NRIP2: variants seen among roughly 807,000 people sequenced by gnomAD.
The protein encoded by NRIP2 is nuclear receptor-interacting protein 2.
Under a neutral mutation model 34.1 loss-of-function variants are expected in NRIP2, and 27 were observed. The ratio of observed to expected loss-of-function variants is 0.79; its 90% CI spans 0.58 to 1.09. The LOEUF (loss-of-function observed/expected upper bound fraction) is 1.09. NRIP2 is among the 50% of genes least tolerant of loss of function. The pLI, the probability that NRIP2 is intolerant of heterozygous loss-of-function variation, is 0.00. For synonymous variants in NRIP2, 145 were observed against 146.9 expected (o/e 0.99, Z 0.09); for missense variants, 385 against 352.6 (o/e 1.09, Z -0.74).
At position 2,825,389 on chromosome 12, in the gene NRIP2, C is replaced by A. The variant is rs750919274; in HGVS notation, c.*1818G>T. The A allele has an allele frequency of 6.6e-6, 1 of 152,312 alleles. No individual in the cohort carries two copies. The highest frequency in any genetic ancestry group is 1.5e-5 in the Non-Finnish European group (1 of 68,132). 9.4% of individuals were successfully genotyped at this position (152,312 alleles called of 1,614,324 possible). ...TATTCCAATGGAGAAGCAGCTGAGC[C>A]GAGGGCTTGCCATTGGGCCTGGGGT... On this transcript the variant is annotated 3_prime_UTR_variant, in exon 6 of 6. Transcript: ENST00000337508.
At chr12:2,831,030 G>A (rs1362922816) in intron 1 of NRIP2, 170 bp from the exon 2 acceptor site, 1 of 545,096 alleles carries the variant, frequency 1.8e-6, no homozygotes, top group African/African-American at 2.1e-5. Context: ...GTAAGCCCCA[G>A]TATCAAATCA....
chr12:2,830,962 C>T (rs531253806), intron 1 of NRIP2, 102 bp from the exon 2 acceptor site: 72 of 1,292,492 alleles, frequency 5.6e-5, no homozygotes, highest in Non-Finnish European at 7.1e-5. Flanking sequence ...CCCCCACCCC[C>T]CCAGCCCTGA....
chr12:2,830,966 G>T, intron 1 of NRIP2, 106 bp from the exon 2 acceptor site: 2 of 1,113,750 alleles, frequency 1.8e-6, no homozygotes, highest in Non-Finnish European at 2.4e-6. Flanking sequence ...CACCCCCCCA[G>T]CCCTGAGCCT....
In NRIP2 at chr12:2,828,019, C is replaced by G; in HGVS notation, c.607G>C (p.Ala203Pro). The G allele has an allele frequency of 6.2e-7, 1 of 1,614,134 alleles. No homozygotes were observed. The highest frequency in any genetic ancestry group is 2.2e-5 in the East Asian group (1 of 44,870). The change falls in exon 4 of 6, where the codon GCT (alanine) becomes CCT (proline). Residue 203 changes from alanine (A) to proline (P), a missense_variant. Coordinates refer to ENST00000337508, the MANE Select transcript of NRIP2 (RefSeq NM_031474.3). ...GGGGGCCCAGGGGCCAGGTCCCCAG[C>G]TGAGGCTTTTAGGACCCTTTTCTCT... is the stretch of plus-strand genomic sequence containing the variant. ...GLEKRVLKASAGDLAPGPPTQ... is the reference protein window; with the variant it reads ...GLEKRVLKASPGDLAPGPPTQ...
chr12:2,833,485 G>A (rs948345996), intron 1 of NRIP2, among the ~76,000 whole-genome samples: 1 of 152,118 alleles, frequency 6.6e-6, no homozygotes, highest in African/African-American at 2.4e-5. Context: ...GAAAGGTGGA[G>A]CTAAGTAGGG....
intron 1 of NRIP2, among the ~76,000 whole-genome samples, 199 bp from the exon 2 acceptor site, chr12:2,831,059 C>A (rs561818813): frequency 6.6e-6 from 1 of 150,898 alleles, no homozygotes; most frequent in East Asian, 2.0e-4. Flanking sequence ...TCCTTGGACA[C>A]CCATAGATTG....
rs1316919995 is a variant in NRIP2 at position 2,826,994 on chromosome 12, T to A, written c.*213A>T. ...ATCAGAATCCTGGCATCGTGGGCCCTCTAGTGAAAACTCGTCCTGGGGAGT... is the reference window on the plus strand; with the variant it reads ...ATCAGAATCCTGGCATCGTGGGCCCACTAGTGAAAACTCGTCCTGGGGAGT... On this transcript the variant is annotated 3_prime_UTR_variant, in exon 6 of 6. Transcript: ENST00000337508. 11 of 1,381,896 alleles carry A rather than the reference T, an allele frequency of 8.0e-6. No homozygotes were observed. The highest frequency in any genetic ancestry group is 9.3e-6 in the Non-Finnish European group (10 of 1,074,104). The allele number at this position is 1,381,896 out of a possible 1,614,324, so 85.6% of individuals were successfully genotyped here. A position where few individuals can be genotyped will look rare whatever the true frequency, so the allele number is the denominator to read the frequency against.
rs373849249 is a variant in NRIP2 at position 2,828,340 on chromosome 12, G to A, written c.570C>T (p.Ser190=). 2.9e-5 allele frequency: 46 copies of A among 1,613,962 alleles called. No homozygotes were observed. The highest frequency in any genetic ancestry group is 1.6e-4 in the East Asian group (7 of 44,894). ...QYNRISAGCL[S]RLGLEKRVLK... ...TTGGGCCACATTCTTACCCCAGGCG[G>A]CTGAGACATCCAGCAGAGATCCGAT... Residue 190 remains serine, a synonymous_variant, in exon 3 of 6, where the codon AGC becomes AGT. Coordinates refer to ENST00000337508, the MANE Select transcript of NRIP2 (RefSeq NM_031474.3).
intron 2 of NRIP2, among the ~76,000 whole-genome samples, chr12:2,829,995 T>G (rs1370034641): frequency 6.6e-6 from 1 of 151,424 alleles, no homozygotes; most frequent in Non-Finnish European, 1.5e-5. Context: ...GAGAATCGCT[T>G]GAACCCAGGA....
rs759174833 is a variant in NRIP2 at position 2,827,309 on chromosome 12, G to A, written c.754-10C>T. 2.6e-5 allele frequency: 42 copies of A among 1,611,194 alleles called. No homozygotes were observed. The highest frequency in any genetic ancestry group is 3.3e-5 in the Non-Finnish European group (39 of 1,179,030). On this transcript the variant is annotated splice_polypyrimidine_tract_variant and intron_variant, in intron 5 of 5. Coordinates refer to ENST00000337508, the MANE Select transcript of NRIP2 (RefSeq NM_031474.3). This position sits in a 1 kb window ranked among gnomAD's most constrained non-coding sequence, Gnocchi z 4.0. ...CCAGGTCGATGCAGCACTGCGGGGT[G>A]TAGAGCAGTCATGCCAGGTCACCTC...
chr12:2,827,195 CT>C lies in NRIP2; in HGVS notation c.*11del. On this transcript the variant is annotated 3_prime_UTR_variant, in exon 6 of 6. Transcript: ENST00000337508. The surrounding 1 kb of genome is among the most constrained non-coding windows in gnomAD (Gnocchi z 4.0). ...CAAGGTCTTTCCCTCTGGGGACTGA[CT>C]GAGACAGCAGTCACTGGCCAGGCTC... The C allele has an allele frequency of 6.2e-7, 1 of 1,614,094 alleles. No homozygotes were observed. Among genetic ancestry groups the C allele is most frequent in the Non-Finnish European group, 8.5e-7 (1 of 1,180,000 alleles).
At chr12:2,830,183 G>A (rs1318930018) in intron 2 of NRIP2, 1 of 152,222 alleles carries the variant, frequency 6.6e-6, no homozygotes, top group African/African-American at 2.4e-5. Context: ...GTTTCAAGGA[G>A]GAGGTAACAT....
intron 2 of NRIP2, chr12:2,830,495 G>A (rs2097995942): frequency 1.9e-6 from 1 of 512,996 alleles, no homozygotes; most frequent in Admixed American, 3.7e-5. Context: ...AAGGGGGGCA[G>A]AGTAATGGTG....
At position 2,827,255 on chromosome 12, in the gene NRIP2, CG is replaced by C. The variant is rs2097972391; in HGVS notation, c.797del (p.Pro266ArgfsTer31). The part of the protein sequence containing the change: ...LEHGVLRLKA[P>X]FSELPFLPLY... ...AAGGCAGGAAGGGTAGCTCTGAGAACGGGGCTTTCAGCCGCAGCACTCCGTG... is the reference window on the plus strand; with the variant it reads ...AAGGCAGGAAGGGTAGCTCTGAGAACGGGCTTTCAGCCGCAGCACTCCGTG... On this transcript the variant is annotated frameshift_variant, in exon 6 of 6. Coordinates refer to ENST00000337508, the MANE Select transcript of NRIP2 (RefSeq NM_031474.3). LOFTEE classifies it high-confidence loss of function. The surrounding 1 kb of genome is among the most constrained non-coding windows in gnomAD (Gnocchi z 4.0). The C allele has an allele frequency of 6.2e-7, 1 of 1,614,104 alleles. No homozygotes were observed. The highest frequency in any genetic ancestry group is 8.5e-7 in the Non-Finnish European group (1 of 1,180,022).
intron 1 of NRIP2, among the ~76,000 whole-genome samples, chr12:2,832,265 C>T (rs1328006554): frequency 6.6e-6 from 1 of 152,074 alleles, no homozygotes; most frequent in African/African-American, 2.4e-5. Flanking sequence ...CACCCTACCC[C>T]GCATTGCTTT....
rs2097980759 is a variant in NRIP2 at position 2,828,348 on chromosome 12, A to G, written c.562T>C (p.Cys188Arg). 6.2e-7 allele frequency: 1 copy of G among 1,614,052 alleles called. No homozygotes were observed. The highest frequency in any genetic ancestry group is 1.7e-5 in the Admixed American group (1 of 59,994). ...GTQYNRISAG[C>R]LSRLGLEKRV... ...CATTCTTACCCCAGGCGGCTGAGACATCCAGCAGAGATCCGATTGTATTGG... is the reference window on the plus strand; with the variant it reads ...CATTCTTACCCCAGGCGGCTGAGACGTCCAGCAGAGATCCGATTGTATTGG... The change falls in exon 3 of 6, where the codon TGT (cysteine) becomes CGT (arginine). Residue 188 changes from cysteine (C) to arginine (R), a missense_variant. Coordinates refer to ENST00000337508, the MANE Select transcript of NRIP2 (RefSeq NM_031474.3).
chr12:2,830,976 T>G, intron 1 of NRIP2, 116 bp from the exon 2 acceptor site: 1 of 1,015,902 alleles, frequency 9.8e-7, no homozygotes, highest in South Asian at 1.7e-5. Context: ...GCCCTGAGCC[T>G]TACCCTAGGA....
In NRIP2 at chr12:2,834,682, G is replaced by A. The variant is rs761003150; in HGVS notation, c.302C>T (p.Pro101Leu). The A allele has an allele frequency of 7.4e-6, 12 of 1,612,478 alleles. No individual in the cohort carries two copies. The highest frequency in any genetic ancestry group is 4.0e-5 in the African/African-American group (3 of 74,890). Residue 101 changes from proline (P) to leucine (L), a missense_variant, in exon 1 of 6, where the codon CCG (proline) becomes CTG (leucine). Pro to Leu is a moderately conservative substitution (Grantham distance 98, BLOSUM62 -3). Transcript: ENST00000337508. ...FLHKDSADLLPLDSLKRLGTS... is the reference protein window; with the variant it reads ...FLHKDSADLLLLDSLKRLGTS... ...GCCGAGCCTCTTGAGGCTGTCCAGC[G>A]GGAGCAGGTCGGCCGAGTCCTTGTG...
chr12:2,834,754 G>A lies in NRIP2; in HGVS notation c.230C>T (p.Ala77Val). 6.2e-7 allele frequency: 1 copy of A among 1,613,912 alleles called. No homozygotes were observed. Among genetic ancestry groups the A allele is most frequent in the East Asian group, 2.2e-5 (1 of 44,834 alleles). ...GAGCCGGCGCTGCTGGCTCAGGTGG[G>A]CTCGGTCTCGAAGCTGTGCCTCCTG... ...RGQEAQLRDR[A>V]HLSQQRRLKQ... The change falls in exon 1 of 6, where the codon GCC becomes GTC. Residue 77 changes from alanine to valine, a missense_variant. By Grantham distance (64) the Ala-to-Val change is moderately conservative. Transcript: ENST00000337508.
Sources: allele counts gnomAD v4.1 joint callset (sites outside exome capture counted in the v4.1 genomes callset), GRCh38; gene constraint gnomAD v4.1.1; non-coding constraint Gnocchi (gnomAD v3.1); transcripts MANE v1.5; gene names NCBI Gene and HGNC (gene_info 2026-07-23, HGNC 2026-07-21).